The following SMARCA2 variants were observed in gnomAD, a reference collection of about 807,000 sequenced individuals.
The protein encoded by SMARCA2 is SWI/SNF related BAF chromatin remodeling complex subunit ATPase 2, also known as SWI/SNF-related matrix-associated actin-dependent regulator of chromatin subfamily A member 2.
Under a neutral mutation model 199.8 loss-of-function variants are expected in SMARCA2, and 61 were observed. That is an observed-to-expected ratio of 0.31 (90% CI 0.25 to 0.38). The LOEUF is 0.38. SMARCA2 is among the 10% of genes least tolerant of loss of function. SMARCA2 has a pLI of 1.00. For missense variants in SMARCA2, 1,344 were observed against 2,012.2 expected (o/e 0.67, Z 6.35); for synonymous variants, 935 against 732.0 (o/e 1.28, Z -4.48).
intron 19 of SMARCA2, among the ~76,000 whole-genome samples, chr9:2,091,781 A>G (rs1453333252): frequency 1.3e-5 from 2 of 152,152 alleles, no homozygotes; most frequent in East Asian, 3.8e-4. Context: ...TCAGTTTTTC[A>G]AGATTTTTAG....
rs1563778402 is a variant in SMARCA2, at chr9:2,115,881, G to A, written c.3516G>A (p.Leu1172=). Residue 1172 remains leucine, a synonymous_variant, in exon 25 of 34, where the codon CTG becomes CTA. Transcript: ENST00000349721. The surrounding 1 kb of genome is among the most constrained non-coding windows in gnomAD (Gnocchi z 6.0). The stretch of plus-strand genomic sequence containing the variant: ...GGCAGCAGAACGAGGTCCGGGTACT[G>A]AGGCTCTGTACCGTGAACAGCGTGG... ...RIGQQNEVRV[L]RLCTVNSVEE... is the part of the protein sequence containing the mutation. The A allele has an allele frequency of 6.2e-7, 1 of 1,614,118 alleles. No individual in the cohort carries two copies. The highest frequency in any genetic ancestry group is 8.5e-7 in the Non-Finnish European group (1 of 1,180,010).
intron 27 of SMARCA2, among the ~76,000 whole-genome samples, chr9:2,154,010 G>A (rs374706927): frequency 4.6e-5 from 7 of 152,300 alleles, no homozygotes; most frequent in East Asian, 3.9e-4. Context: ...CTGCTATAAC[G>A]TAGAATAATC....
chr9:2,100,536 T>C (rs1471423934), intron 21 of SMARCA2, among the ~76,000 whole-genome samples: 3 of 152,064 alleles, frequency 2.0e-5, no homozygotes, highest in Non-Finnish European at 2.9e-5. Context: ...ACCCTGTTTC[T>C]ACTAAAAATA....
chr9:2,015,808 A>G (rs1028827957), intron 1 of SMARCA2, among the ~76,000 whole-genome samples: 1 of 152,214 alleles, frequency 6.6e-6, no homozygotes, highest in Admixed American at 6.5e-5. Context: ...TCAAGGTTGC[A>G]ACACACACAT....
At chr9:2,088,287 T>C (rs1392616187) in intron 18 of SMARCA2, among the ~76,000 whole-genome samples, 2 of 152,194 alleles carry the variant, frequency 1.3e-5, no homozygotes, top group East Asian at 3.9e-4. Context: ...AACTCAGCGT[T>C]AAGACAAAGA....
chr9:2,054,188 C>G (rs1430467468), intron 5 of SMARCA2, among the ~76,000 whole-genome samples: 2 of 152,200 alleles, frequency 1.3e-5, no homozygotes, highest in African/African-American at 2.4e-5. Context: ...TAGGACAGAA[C>G]TAGAAGTTCG....
At position 2,029,211 on chromosome 9, in the gene SMARCA2, A is replaced by T; in HGVS notation, c.189A>T (p.Thr63=). 7 of 1,612,926 alleles carry T rather than the reference A, an allele frequency of 4.3e-6. No individual in the cohort carries two copies. Among genetic ancestry groups the T allele is most frequent in the Non-Finnish European group, 5.9e-6 (7 of 1,179,418 alleles). ...ATCCTATGCCGACGATGGGGTCCAC[A>T]GACTTCCCACAGGAAGGCATGCATC... ...VSHPMPTMGS[T]DFPQEGMHQM... is the part of the protein sequence containing the mutation. Residue 63 remains threonine (T), a synonymous_variant, in exon 2 of 34, where the codon ACA becomes ACT. Transcript: ENST00000349721.
At chr9:2,071,806 G>A (rs923883292) in intron 10 of SMARCA2, among the ~76,000 whole-genome samples, 1 of 152,164 alleles carries the variant, frequency 6.6e-6, no homozygotes, top group African/African-American at 2.4e-5. Context: ...ATTTTTCCAA[G>A]GGAAATGATA....
intron 31 of SMARCA2, among the ~76,000 whole-genome samples, chr9:2,183,372 C>A (rs562868781): frequency 5.3e-5 from 8 of 152,298 alleles, no homozygotes; most frequent in Admixed American, 1.3e-4. Context: ...GTCAACAATT[C>A]TAAGAGTATA....
intron 27 of SMARCA2, among the ~76,000 whole-genome samples, chr9:2,142,359 TG>T (rs1266934784): frequency 6.6e-6 from 1 of 152,238 alleles, no homozygotes; most frequent in African/African-American, 2.4e-5. Context: ...GCATATTGGT[TG>T]TTTCAAAGTT....
Position 2,159,958 on chromosome 9 carries a change from C to A in SMARCA2, c.3982-1728C>A, listed in dbSNP as rs746702993. On this transcript the variant is annotated intron_variant, in intron 27 of 33. Transcript: ENST00000349721. ...TCTTGAAGATTCAGTAGAACTACAT[C>A]CCAGGCATGTGTAGGTGTGTAACAC... is the stretch of plus-strand genomic sequence containing the variant. The A allele has an allele frequency of 2.5e-6, 4 of 1,574,136 alleles. No homozygotes were observed. The African/African-American group carries it at 5.4e-5, about 21-fold the overall frequency.
intron 32 of SMARCA2, among the ~76,000 whole-genome samples, chr9:2,188,055 G>A (rs1285933039): frequency 6.6e-6 from 1 of 152,064 alleles, no homozygotes; most frequent in African/African-American, 2.4e-5. Flanking sequence ...TAAAAGTATA[G>A]ACATGCTTTT....
Position 2,170,410 on chromosome 9 carries a change from C to A in SMARCA2, c.4200-9C>A, listed in dbSNP as rs757097815. ...TTCTGACTCTAGTGTTCTTTCTACT[C>A]TACCGCAGGTGTAACGTGGAGAAGG... On this transcript the variant is annotated splice_polypyrimidine_tract_variant and intron_variant, in intron 28 of 33. Coordinates refer to ENST00000349721, the MANE Select transcript of SMARCA2 (RefSeq NM_003070.5). The surrounding 1 kb of genome is among the most constrained non-coding windows in gnomAD (Gnocchi z 4.7). 1 of 1,613,984 alleles carries A rather than the reference C, an allele frequency of 6.2e-7. No individual in the cohort carries two copies. Among genetic ancestry groups the A allele is most frequent in the Non-Finnish European group, 8.5e-7 (1 of 1,179,990 alleles).
chr9:2,040,278 G>C (rs1397442557), intron 4 of SMARCA2: 2 of 378,196 alleles, frequency 5.3e-6, no homozygotes, highest in Admixed American at 8.1e-5. Context: ...CCCCACTAGA[G>C]CCATTTTATA....
chr9:2,050,018 C>T (rs1820046941), intron 5 of SMARCA2, among the ~76,000 whole-genome samples: 1 of 152,180 alleles, frequency 6.6e-6, no homozygotes. Flanking sequence ...CTTGTAATAT[C>T]ATTTACCTTG....
intron 27 of SMARCA2, among the ~76,000 whole-genome samples, chr9:2,148,490 ATTATT>A (rs1824878931): frequency 6.6e-6 from 1 of 150,810 alleles, no homozygotes; most frequent in African/African-American, 2.4e-5. Flanking sequence ...TTTTTTTATT[ATTATT>A]TTATTATTAT....
At chr9:2,160,494 CT>C in intron 27 of SMARCA2, 2 of 598,384 alleles carry the variant, frequency 3.3e-6, no homozygotes, top group Admixed American at 2.5e-5. Context: ...CAAAACCTTT[CT>C]TTTTCAGGAA....
Position 2,088,571 on chromosome 9 carries a change from A to G in SMARCA2, c.2841A>G (p.Leu947=), listed in dbSNP as rs1382634096. ...RLHKVLRPFL[L]RRLKKEVESQ... is the part of the protein sequence containing the mutation. ...ATAAGGTGTTAAGACCATTTTTACTAAGGAGACTGAAGAAAGAAGTTGAAT... is the reference window on the plus strand; with the variant it reads ...ATAAGGTGTTAAGACCATTTTTACTGAGGAGACTGAAGAAAGAAGTTGAAT... The change falls in exon 19 of 34, where the codon CTA becomes CTG. Residue 947 remains leucine, a synonymous_variant. Coordinates refer to ENST00000349721, the MANE Select transcript of SMARCA2 (RefSeq NM_003070.5). 1 of 1,596,588 alleles carries G rather than the reference A, an allele frequency of 6.3e-7. No homozygotes were observed. The highest frequency in any genetic ancestry group is 8.5e-7 in the Non-Finnish European group (1 of 1,175,752).
At chr9:2,139,196 G>C (rs1031667869) in intron 27 of SMARCA2, among the ~76,000 whole-genome samples, 1 of 152,186 alleles carries the variant, frequency 6.6e-6, no homozygotes, top group Non-Finnish European at 1.5e-5. Context: ...CACTGAGACC[G>C]TGGCATTGCG....
Sources: gnomAD v4.1 joint callset for allele counts (sites outside exome capture counted in the v4.1 genomes callset) on GRCh38, gnomAD v4.1.1 for gene constraint, Gnocchi (gnomAD v3.1) non-coding constraint, MANE v1.5 for transcripts, NCBI Gene and HGNC (gene_info 2026-07-23, HGNC 2026-07-21) for gene names.